HIP1: variants seen among roughly 807,000 people sequenced by gnomAD.
HIP1 encodes huntingtin-interacting protein 1.
HIP1 carries 65 observed loss-of-function variants against 147.6 expected under a neutral mutation model. The observed-to-expected ratio is 0.44, with a 90% CI of 0.36 to 0.54. The LOEUF (loss-of-function observed/expected upper bound fraction) is 0.54. Among genes scored for constraint, HIP1 ranks in the 20% least tolerant of loss-of-function variants. The pLI, the probability that HIP1 is intolerant of heterozygous loss-of-function variation, is 0.00. For synonymous variants in HIP1, 479 were observed against 504.0 expected, an observed-to-expected ratio of 0.95 and a Z score of 0.67; for missense variants, 1,061 against 1,299.6, an observed-to-expected ratio of 0.82 and a Z score of 2.82.
At chr7:75,616,600 G>C (rs782355658) in intron 1 of HIP1, among the ~76,000 whole-genome samples, 11 of 99,708 alleles carry the variant, frequency 1.1e-4, no homozygotes, top group Non-Finnish European at 3.1e-4. Flanking sequence ...AGGAGGAGGA[G>C]GAGGAGGAGG....
intron 1 of HIP1, among the ~76,000 whole-genome samples, chr7:75,703,633 CAAAA>C (rs1800905045): frequency 6.6e-6 from 1 of 151,142 alleles, no homozygotes; most frequent in Admixed American, 6.6e-5. Flanking sequence ...ACAACACACA[CAAAA>C]CAAACAAACA....
Position 75,703,193 on chromosome 7 carries a change from G to T in HIP1, c.120+35608C>A, listed in dbSNP as rs182394199. ...GCGAAACCCATCTCTACTAAAAATAGAAAAATTAGCCAGACATGGTGGTGC... is the reference window on the plus strand; with the variant it reads ...GCGAAACCCATCTCTACTAAAAATATAAAAATTAGCCAGACATGGTGGTGC... On this transcript the variant is annotated intron_variant, in intron 1 of 30. Coordinates refer to ENST00000336926, the MANE Select transcript of HIP1 (RefSeq NM_005338.7). Among the ~76,000 whole-genome samples, 309 of 152,080 alleles carry T rather than the reference G, an allele frequency of 2.0e-3. 1 individual carries two copies. The highest frequency in any genetic ancestry group is 7.1e-3 in the African/African-American group (296 of 41,506).
rs587692378 is a variant in HIP1 at position 75,534,223 on chromosome 7, T to A, written c.*3949A>T. On this transcript the variant is annotated 3_prime_UTR_variant, in exon 31 of 31. Coordinates refer to ENST00000336926, the MANE Select transcript of HIP1 (RefSeq NM_005338.7). ...GTGGCATAAACCTTGGTGTCTGACT[T>A]GGTAGCTGGGACAGTTCCAAGAAAA... 4.4e-6 allele frequency: 1 copy of A among 226,188 alleles called. No individual in the cohort carries two copies. Among genetic ancestry groups the A allele is most frequent in the South Asian group, 1.8e-4 (1 of 5,458 alleles). The allele number at this position is 226,188 out of a possible 1,614,324, so 14.0% of individuals were successfully genotyped here.
chr7:75,679,749 C>A (rs782272667), intron 1 of HIP1, among the ~76,000 whole-genome samples: 1 of 152,124 alleles, frequency 6.6e-6, no homozygotes, highest in Non-Finnish European at 1.5e-5. Context: ...CCCACTTCGT[C>A]CTCTGCACTC....
chr7:75,601,398 G>C (rs895126314), intron 1 of HIP1, among the ~76,000 whole-genome samples: 1 of 151,962 alleles, frequency 6.6e-6, no homozygotes, highest in Non-Finnish European at 1.5e-5. Context: ...AGACCAGCCT[G>C]GCCAACATGG....
intron 1 of HIP1, among the ~76,000 whole-genome samples, chr7:75,722,842 T>C (rs1265188429): frequency 2.0e-5 from 3 of 151,980 alleles, no homozygotes; most frequent in African/African-American, 7.3e-5. Context: ...GGAAAAAAAA[T>C]GTTTTGAACA....
At chr7:75,692,812 C>A (rs530511230) in intron 1 of HIP1, among the ~76,000 whole-genome samples, 1 of 152,258 alleles carries the variant, frequency 6.6e-6, no homozygotes, top group African/African-American at 2.4e-5. Flanking sequence ...TATCATCTCT[C>A]TTCCCCATCT....
chr7:75,671,882 G>A (rs781940296), intron 1 of HIP1, among the ~76,000 whole-genome samples: 7 of 152,030 alleles, frequency 4.6e-5, no homozygotes, highest in African/African-American at 1.2e-4. Context: ...TTACAGCTAC[G>A]CGTCACCATG....
At chr7:75,724,539 C>A (rs1359434858) in intron 1 of HIP1, among the ~76,000 whole-genome samples, 2 of 151,586 alleles carry the variant, frequency 1.3e-5, no homozygotes, top group Non-Finnish European at 2.9e-5. Flanking sequence ...TGAGCCACTG[C>A]ACCCAGCCTA....
At chr7:75,538,390 A>G (rs1794166245) in intron 30 of HIP1, among the ~76,000 whole-genome samples, 166 bp from the exon 31 acceptor site, 1 of 152,058 alleles carries the variant, frequency 6.6e-6, no homozygotes, top group Non-Finnish European at 1.5e-5. Flanking sequence ...GGATCTGTCT[A>G]TGGTTGGTGC....
chr7:75,544,097 G>C (rs587728168), intron 27 of HIP1, among the ~76,000 whole-genome samples: 1 of 151,172 alleles, frequency 6.6e-6, no homozygotes, highest in Non-Finnish European at 1.5e-5. Flanking sequence ...ACTTGAACCC[G>C]GGAGGCAGAG....
intron 1 of HIP1, among the ~76,000 whole-genome samples, chr7:75,658,546 A>G (rs1799211001): frequency 6.6e-6 from 1 of 152,130 alleles, no homozygotes; most frequent in African/African-American, 2.4e-5. Context: ...AAGGAGGCAC[A>G]GAGGTCGCTG....
At chr7:75,567,614 A>G (rs1241558103) in intron 9 of HIP1, among the ~76,000 whole-genome samples, 2 of 151,234 alleles carry the variant, frequency 1.3e-5, no homozygotes, top group Non-Finnish European at 2.9e-5. Flanking sequence ...CATCCTGGCC[A>G]ACATGGTGAA....
Position 75,607,231 on chromosome 7 carries a change from TTG to T in HIP1, c.121-7986_121-7985del, listed in dbSNP as rs1357419984. Among the ~76,000 whole-genome samples the T allele has an allele frequency of 6.5e-4, 86 of 131,902 alleles. 2 individuals are homozygous for T. Among genetic ancestry groups the T allele is most frequent in the African/African-American group, 3.1e-3 (84 of 27,204 alleles). The allele number at this position is 131,902 out of a possible 152,430, so 86.5% of individuals were successfully genotyped here. On this transcript the variant is annotated intron_variant, in intron 1 of 30. Transcript: ENST00000336926. ...AAAAAAAAAAGAGTTGTTTTTTGTT[TTG>T]TTTTTTTTTTTTTTGAGACAGAGTC...
At chr7:75,544,655 C>T (rs1554490582) in intron 27 of HIP1, 40 bp downstream of exon 27, 2 of 1,212,304 alleles carry the variant, frequency 1.6e-6, no homozygotes, top group East Asian at 4.6e-5. Flanking sequence ...ACTCTCTAAC[C>T]AGGCCTTCCA....
chr7:75,726,909 T>G (rs569944180), intron 1 of HIP1, among the ~76,000 whole-genome samples: 24 of 152,066 alleles, frequency 1.6e-4, no homozygotes, highest in African/African-American at 4.6e-4. Flanking sequence ...ACTCCTGACT[T>G]CGGGTGATCT....
chr7:75,722,778 T>C (rs1801537823), intron 1 of HIP1, among the ~76,000 whole-genome samples: 1 of 152,132 alleles, frequency 6.6e-6, no homozygotes, highest in South Asian at 2.1e-4. Flanking sequence ...TTAAGTAAAT[T>C]ATATCTGTGA....
intron 9 of HIP1, among the ~76,000 whole-genome samples, chr7:75,564,307 TTTTTG>T (rs879946040): frequency 0.056 from 8,490 of 152,286 alleles, 329 homozygotes; most frequent in African/African-American, 0.095. Context: ...GTTTGTTTAT[TTTTTG>T]AGATGGAGTG....
intron 7 of HIP1, among the ~76,000 whole-genome samples, chr7:75,577,483 G>A (rs587704467): frequency 5.2e-4 from 79 of 152,230 alleles, no homozygotes; most frequent in African/African-American, 1.6e-3. Flanking sequence ...AGAGCTACCC[G>A]ACTATAACTC....
Sources: gnomAD v4.1 joint callset for allele counts (sites outside exome capture counted in the v4.1 genomes callset) on GRCh38, gnomAD v4.1.1 for gene constraint, MANE v1.5 for transcripts, NCBI Gene and HGNC (gene_info 2026-07-23, HGNC 2026-07-21) for gene names.